TBCB: variants seen among roughly 807,000 people sequenced by gnomAD.
TBCB encodes the protein tubulin-folding cofactor B.
Under a neutral mutation model 29.2 loss-of-function variants are expected in TBCB, and 18 were observed. That is an observed-to-expected ratio of 0.62 (90% CI 0.43 to 0.91). The LOEUF (loss-of-function observed/expected upper bound fraction) is 0.91. TBCB is among the 40% of genes least tolerant of loss of function. The pLI is 0.00. For missense variants in TBCB, 336 were observed against 337.6 expected (o/e 1.00, Z 0.04); for synonymous variants, 172 against 137.8 (o/e 1.25, Z -1.74).
At chr19:36,121,144 T>C (rs1974042046) in intron 3 of TBCB, among the ~76,000 whole-genome samples, 1 of 143,796 alleles carries the variant, frequency 7.0e-6, no homozygotes, top group South Asian at 2.2e-4. Context: ...GCAGGACAGG[T>C]GGAATGCGAG....
chr19:36,122,882 C>A (rs1164385963), intron 4 of TBCB, among the ~76,000 whole-genome samples: 4 of 151,976 alleles, frequency 2.6e-5, no homozygotes, highest in Non-Finnish European at 5.9e-5. Context: ...TCGTACCCAA[C>A]AGATAATTTT....
rs761488464 is a variant in TBCB, at chr19:36,120,707, C to T, written c.259-3C>T. The T allele has an allele frequency of 3.1e-6, 5 of 1,614,010 alleles. No individual in the cohort carries two copies. Among genetic ancestry groups the T allele is most frequent in the African/African-American group, 2.7e-5 (2 of 75,036 alleles). ...TCCCCACGGAGCCCCTCCCCTCACA[C>T]AGGTCATTGACCACAGTGGCGCCCG... On this transcript the variant is annotated splice_region_variant and splice_polypyrimidine_tract_variant and intron_variant, in intron 2 of 5. Coordinates refer to ENST00000221855, the MANE Select transcript of TBCB (RefSeq NM_001281.3).
chr19:36,118,182 G>A lies in TBCB; in HGVS notation c.258+1998G>A, dbSNP rs373869094. On this transcript the variant is annotated intron_variant, in intron 2 of 5. Coordinates refer to ENST00000221855, the MANE Select transcript of TBCB (RefSeq NM_001281.3). Reference sequence around the variant, plus strand: ...GATTAACTGTTCATTCCCCATCTGTGTTGTGCCAGGGGTTTCATTATGACT... The same window carrying A: ...GATTAACTGTTCATTCCCCATCTGTATTGTGCCAGGGGTTTCATTATGACT... Among the ~76,000 whole-genome samples the A allele has an allele frequency of 2.6e-5, 4 of 152,282 alleles. No homozygotes were observed. In the South Asian group the frequency reaches 6.2e-4, roughly 24 times the overall value.
intron 5 of TBCB, 52 bp from the exon 6 acceptor site, chr19:36,125,616 T>G: frequency 6.2e-7 from 1 of 1,607,660 alleles, no homozygotes; most frequent in Non-Finnish European, 8.5e-7. Flanking sequence ...GCTTCTAGAG[T>G]GGAGCCATGT....
Position 36,115,518 on chromosome 19 carries a change from AGGCGGCTGGAC to A in TBCB, c.-42_-32del. 3 of 1,477,658 alleles carry A rather than the reference AGGCGGCTGGAC, an allele frequency of 2.0e-6. No homozygotes were observed. The highest frequency in any genetic ancestry group is 2.8e-6 in the Non-Finnish European group (3 of 1,081,476). 91.5% of individuals were successfully genotyped at this position (1,477,658 alleles called of 1,614,324 possible). A position where few individuals can be genotyped will look rare whatever the true frequency, so the allele number is the denominator to read the frequency against. On this transcript the variant is annotated 5_prime_UTR_variant, in exon 1 of 6. Coordinates refer to ENST00000221855, the MANE Select transcript of TBCB (RefSeq NM_001281.3). Reference sequence around the variant, plus strand: ...CGGCGGCGGCTGCGGAGCGGGTGTGAGGCGGCTGGACCGCGCTGCAGGCATCCGCAGGGCGC... The same window carrying A: ...CGGCGGCGGCTGCGGAGCGGGTGTGACGCGCTGCAGGCATCCGCAGGGCGC...
chr19:36,120,797 C>CA lies in TBCB; in HGVS notation c.347dup (p.Arg117GlufsTer50). 6.2e-7 allele frequency: 1 copy of CA among 1,613,946 alleles called. No individual in the cohort carries two copies. Among genetic ancestry groups the CA allele is most frequent in the Middle Eastern group, 1.7e-4 (1 of 6,060 alleles). On this transcript the variant is annotated frameshift_variant, in exon 3 of 6. Transcript: ENST00000221855. LOFTEE classifies it high-confidence loss of function. ...CACGATCTCACAAGAAGCCTACGAC[C>CA]AGAGGCAAGGTACGGGCAGGTGGGC...
At chr19:36,117,596 C>T (rs887536404) in intron 2 of TBCB, among the ~76,000 whole-genome samples, 12 of 152,052 alleles carry the variant, frequency 7.9e-5, no homozygotes, top group Non-Finnish European at 1.5e-4. Context: ...AAGTGATCTG[C>T]CCACCTCAGC....
Position 36,115,524 on chromosome 19 carries a change from CT to C in TBCB, c.-36del, listed in dbSNP as rs765604385. 2.0e-6 allele frequency: 3 copies of C among 1,523,060 alleles called. No homozygotes were observed. Among genetic ancestry groups the C allele is most frequent in the Non-Finnish European group, 1.8e-6 (2 of 1,120,260 alleles). The allele number at this position is 1,523,060 out of a possible 1,614,324, so 94.3% of individuals were successfully genotyped here. A position where few individuals can be genotyped will look rare whatever the true frequency, so the allele number is the denominator to read the frequency against. ...CGGCTGCGGAGCGGGTGTGAGGCGG[CT>C]GGACCGCGCTGCAGGCATCCGCAGG... On this transcript the variant is annotated 5_prime_UTR_variant, in exon 1 of 6. Coordinates refer to ENST00000221855, the MANE Select transcript of TBCB (RefSeq NM_001281.3).
chr19:36,117,041 C>T (rs1478183791), intron 2 of TBCB, among the ~76,000 whole-genome samples: 1 of 152,220 alleles, frequency 6.6e-6, no homozygotes, highest in Non-Finnish European at 1.5e-5. Flanking sequence ...TGTCATATGC[C>T]TGCGTGCCTC....
At chr19:36,120,463 A>T (rs1406717514) in intron 2 of TBCB, 2 of 511,436 alleles carry the variant, frequency 3.9e-6, no homozygotes, top group East Asian at 6.8e-5. Context: ...TGTTGATGCC[A>T]GCAAGCGGGG....
At chr19:36,122,013 G>T in intron 4 of TBCB, 1 of 496,586 alleles carries the variant, frequency 2.0e-6, no homozygotes, top group East Asian at 3.9e-5. Context: ...GTCAGTCGCG[G>T]TGGGGAAACG....
chr19:36,125,355 C>G, intron 4 of TBCB, 96 bp from the exon 5 acceptor site: 1 of 1,346,780 alleles, frequency 7.4e-7, no homozygotes, highest in Admixed American at 1.7e-5. Flanking sequence ...CAGGCTTCTA[C>G]TCAATGGGTA....
chr19:36,117,855 T>TC (rs1973981212), intron 2 of TBCB: 1 of 151,852 alleles, frequency 6.6e-6, no homozygotes, highest in Non-Finnish European at 1.5e-5. Context: ...AACCTCCGCC[T>TC]CCCCGGTTCA....
intron 4 of TBCB, chr19:36,122,144 A>G (rs1239707124): frequency 1.9e-5 from 5 of 265,292 alleles, no homozygotes; most frequent in Non-Finnish European, 3.7e-5. Context: ...AGGGAGGAAG[A>G]GTTCCCGCCA....
At chr19:36,115,340 C>G, upstream of TBCB, 1 of 571,472 alleles carries the variant, frequency 1.7e-6, no homozygotes, top group Non-Finnish European at 3.1e-6. Context: ...GAAGGCCCCT[C>G]TGGATTGGCT....
chr19:36,120,825 CGAG>C lies in TBCB; in HGVS notation c.355+21_355+23del. 6.2e-7 allele frequency: 1 copy of C among 1,612,412 alleles called. No homozygotes were observed. The highest frequency in any genetic ancestry group is 8.5e-7 in the Non-Finnish European group (1 of 1,178,982). On this transcript the variant is annotated intron_variant, in intron 3 of 5. Transcript: ENST00000221855. The stretch of plus-strand genomic sequence containing the variant: ...AGGCAAGGTACGGGCAGGTGGGCGT[CGAG>C]GGGTGCGTGGGGGCCAGAGGGAGTA...
At chr19:36,122,997 G>A (rs561227240) in intron 4 of TBCB, among the ~76,000 whole-genome samples, 4 of 152,106 alleles carry the variant, frequency 2.6e-5, no homozygotes, top group Admixed American at 6.6e-5. Context: ...ACTAATTTAC[G>A]TCTGTCTCTA....
At position 36,116,118 on chromosome 19, in the gene TBCB, C is replaced by T. The variant is rs764045771; in HGVS notation, c.192C>T (p.Tyr64=). The T allele has an allele frequency of 1.9e-6, 3 of 1,614,204 alleles. No homozygotes were observed. Among genetic ancestry groups the T allele is most frequent in the South Asian group, 1.1e-5 (1 of 91,084 alleles). ...LELYGVDDKF[Y]SKLDQEDALL... The stretch of plus-strand genomic sequence containing the variant: ...TGTATGGAGTTGACGACAAGTTCTA[C>T]AGCAAGCTGGATCAAGAGGATGCGC... Residue 64 remains tyrosine (Y), a synonymous_variant, in exon 2 of 6, where the codon TAC becomes TAT. Transcript: ENST00000221855.
chr19:36,115,383 C>T (rs528874843), upstream of TBCB: 1 of 599,636 alleles, frequency 1.7e-6, no homozygotes, highest in South Asian at 2.0e-5. Flanking sequence ...AGCCCTCTTC[C>T]TGGCGGTGGG....
Sources: allele counts gnomAD v4.1 joint callset (sites outside exome capture counted in the v4.1 genomes callset), GRCh38; gene constraint gnomAD v4.1.1; transcripts MANE v1.5; gene names NCBI Gene and HGNC (gene_info 2026-07-23, HGNC 2026-07-21).